MYO18A: variants seen among roughly 807,000 people sequenced by gnomAD.
The protein encoded by MYO18A is myosin XVIIIA.
In MYO18A, 78 loss-of-function variants were observed where a neutral mutation model predicts 235.8. The observed-to-expected ratio is 0.33, with a 90% CI of 0.28 to 0.40. The LOEUF is 0.40. Among genes scored for constraint, MYO18A ranks in the 10% least tolerant of loss-of-function variants. The pLI is 1.00. For synonymous variants in MYO18A, 977 were observed against 1,077.8 expected (o/e 0.91, Z 1.83); for missense variants, 2,215 against 2,699.3 (o/e 0.82, Z 3.98).
chr17:29,090,761 C>T lies in MYO18A; in HGVS notation c.5304+49G>A, dbSNP rs150505858. On this transcript the variant is annotated intron_variant, in intron 35 of 41. Coordinates refer to ENST00000527372, the MANE Select transcript of MYO18A (RefSeq NM_078471.4). ...TGCGGGGGACCCATGAGGAGGACCACAAGGATGGTGACGGTGCAGAGTGTG... is the reference window on the plus strand; with the variant it reads ...TGCGGGGGACCCATGAGGAGGACCATAAGGATGGTGACGGTGCAGAGTGTG... 539 of 1,575,792 alleles carry T rather than the reference C, an allele frequency of 3.4e-4. 2 individuals carry two copies. The East Asian group carries it at 0.011, about 34-fold the overall frequency.
Position 29,136,251 on chromosome 17 carries a change from ATATATAT to A in MYO18A, c.1000-14005_1000-13999del, listed in dbSNP as rs1403448042. 6.7e-3 allele frequency among the ~76,000 whole-genome samples: 446 copies of A among 66,148 alleles called. 4 individuals carry two copies. Among genetic ancestry groups the A allele is most frequent in the African/African-American group, 0.027 (418 of 15,484 alleles). 43.4% of individuals were successfully genotyped at this position (66,148 alleles called of 152,430 possible). ...ATCTCAAAAGAAAAAAAAAAAAAAA[ATATATAT>A]ATATATATATATATATGTAATGTAT... On this transcript the variant is annotated intron_variant, in intron 2 of 41. Transcript: ENST00000527372.
intron 11 of MYO18A, 39 bp from the exon 12 acceptor site, chr17:29,115,879 T>C: frequency 6.5e-7 from 1 of 1,548,914 alleles, no homozygotes; most frequent in South Asian, 1.2e-5. Context: ...CCTGGGTCTT[T>C]TTCCTTAGGC....
intron 24 of MYO18A, 24 bp downstream of exon 24, chr17:29,098,332 G>T: frequency 6.2e-7 from 1 of 1,613,280 alleles, no homozygotes; most frequent in South Asian, 1.1e-5. Context: ...ATGCCCAGTC[G>T]GTGTGGTGCC....
chr17:29,156,840 G>A (rs1363642856), intron 2 of MYO18A, among the ~76,000 whole-genome samples: 1 of 152,194 alleles, frequency 6.6e-6, no homozygotes, highest in African/African-American at 2.4e-5. Flanking sequence ...AAGTGTACAA[G>A]GGAGGGCAGG....
In MYO18A at chr17:29,140,039, G is replaced by T. The variant is rs2067699263; in HGVS notation, c.1000-17786C>A. Among the ~76,000 whole-genome samples the T allele has an allele frequency of 6.6e-6, 1 of 152,194 alleles. No homozygotes were observed. The highest frequency in any genetic ancestry group is 6.5e-5 in the Admixed American group (1 of 15,280). ...GGGAAGGCGTGTCACAGCCTTGGGG[G>T]TGGATGCAACCCCAGGAAACTGAGG... On this transcript the variant is annotated intron_variant, in intron 2 of 41. Transcript: ENST00000527372. This position sits in a 1 kb window ranked among gnomAD's most constrained non-coding sequence, Gnocchi z 4.2.
chr17:29,112,536 C>T (rs2066957128), intron 15 of MYO18A, among the ~76,000 whole-genome samples: 1 of 152,256 alleles, frequency 6.6e-6, no homozygotes, highest in East Asian at 1.9e-4. Flanking sequence ...GAACACTGGC[C>T]TAGCATTGAT....
In MYO18A at chr17:29,121,301, A is replaced by AT; in HGVS notation, c.1372-91dup. 10 of 1,423,976 alleles carry AT rather than the reference A, an allele frequency of 7.0e-6. No individual in the cohort carries two copies. The highest frequency in any genetic ancestry group is 8.6e-6 in the Non-Finnish European group (9 of 1,045,020). 88.2% of individuals were successfully genotyped at this position (1,423,976 alleles called of 1,614,324 possible). On this transcript the variant is annotated intron_variant, in intron 5 of 41. Coordinates refer to ENST00000527372, the MANE Select transcript of MYO18A (RefSeq NM_078471.4). This position sits in a 1 kb window ranked among gnomAD's most constrained non-coding sequence, Gnocchi z 4.2. ...ACCCCCAAGGTCCACATCTTTCTGG[A>AT]TTTTCCCTCCTGTAGTGCCCAGGGA...
At chr17:29,150,198 A>G (rs535823088) in intron 2 of MYO18A, among the ~76,000 whole-genome samples, 3 of 152,346 alleles carry the variant, frequency 2.0e-5, no homozygotes, top group Non-Finnish European at 2.9e-5. Context: ...TGGAGCCCCT[A>G]TTGGGCCTGT....
intron 2 of MYO18A, among the ~76,000 whole-genome samples, chr17:29,143,288 A>AG (rs2067781030): frequency 6.6e-6 from 1 of 152,220 alleles, no homozygotes; most frequent in African/African-American, 2.4e-5. Context: ...GCTGGAGTGC[A>AG]GTGGCACTAT....
intron 40 of MYO18A, 30 bp downstream of exon 40, chr17:29,085,574 G>A: frequency 3.1e-6 from 5 of 1,612,334 alleles, no homozygotes; most frequent in Non-Finnish European, 4.2e-6. Context: ...CGCGAGGACA[G>A]GCAGAGAGCA....
chr17:29,104,862 G>T lies in MYO18A; in HGVS notation c.3442-1198C>A, dbSNP rs570718095. On this transcript the variant is annotated intron_variant, in intron 20 of 41. Transcript: ENST00000527372. The stretch of plus-strand genomic sequence containing the variant: ...AAAGAACGGAGCCCCATGCTGCTAA[G>T]AATTCAAGTAACAGAGGGATAGTAA... 1.8e-3 allele frequency among the ~76,000 whole-genome samples: 278 copies of T among 152,156 alleles called. 1 individual carries two copies. Among genetic ancestry groups the T allele is most frequent in the Non-Finnish European group, 3.0e-3 (207 of 68,000 alleles).
chr17:29,165,891 T>C (rs2068270711), intron 2 of MYO18A, 51 bp downstream of exon 2: 6 of 1,530,006 alleles, frequency 3.9e-6, no homozygotes, highest in Non-Finnish European at 5.3e-6. Flanking sequence ...AAGCAGGAGG[T>C]GCCCACATTC....
intron 2 of MYO18A, chr17:29,124,769 T>G: frequency 8.7e-7 from 1 of 1,154,896 alleles, no homozygotes; most frequent in Non-Finnish European, 1.1e-6. Context: ...CAGCAAGTGC[T>G]CCTGAGTCAA....
chr17:29,145,572 G>A (rs2067830094), intron 2 of MYO18A, among the ~76,000 whole-genome samples: 1 of 152,308 alleles, frequency 6.6e-6, no homozygotes, highest in African/African-American at 2.4e-5. Flanking sequence ...ACCACAGACT[G>A]AGCTTCCTGA....
rs1048546666 is a variant in MYO18A at position 29,126,366 on chromosome 17, C to T, written c.1000-4113G>A. The stretch of plus-strand genomic sequence containing the variant: ...GGGCAGCCGCCCGGGAACAGGACCA[C>T]GACACTCCCCACCTGCTTATGGGTT... On this transcript the variant is annotated intron_variant, in intron 2 of 41. Transcript: ENST00000527372. The surrounding 1 kb of genome is among the most constrained non-coding windows in gnomAD (Gnocchi z 4.1). 1.3e-5 allele frequency among the ~76,000 whole-genome samples: 2 copies of T among 152,078 alleles called. No individual in the cohort carries two copies. Among genetic ancestry groups the T allele is most frequent in the African/African-American group, 4.8e-5 (2 of 41,394 alleles).
chr17:29,092,507 G>T, intron 33 of MYO18A, 51 bp from the exon 34 acceptor site: 1 of 1,441,902 alleles, frequency 6.9e-7, no homozygotes, highest in East Asian at 2.3e-5. Context: ...CATTCCTTGG[G>T]GGCAGGAGGG....
At chr17:29,086,629 A>C in intron 38 of MYO18A, 52 bp from the exon 39 acceptor site, 1 of 1,592,758 alleles carries the variant, frequency 6.3e-7, no homozygotes, top group Non-Finnish European at 8.5e-7. Context: ...TCTCCCCTAG[A>C]TGGCCAGAAG....
At position 29,126,226 on chromosome 17, in the gene MYO18A, C is replaced by A. The variant is rs1369872739; in HGVS notation, c.1000-3973G>T. Among the ~76,000 whole-genome samples, 1 of 152,170 alleles carries A rather than the reference C, an allele frequency of 6.6e-6. No individual in the cohort carries two copies. Among genetic ancestry groups the A allele is most frequent in the Non-Finnish European group, 1.5e-5 (1 of 68,022 alleles). On this transcript the variant is annotated intron_variant, in intron 2 of 41. Coordinates refer to ENST00000527372, the MANE Select transcript of MYO18A (RefSeq NM_078471.4). This position sits in a 1 kb window ranked among gnomAD's most constrained non-coding sequence, Gnocchi z 4.1. ...TATCCCACTTGCCCTCTGGACCCTT[C>A]CCCAGGCCCAGGTGACAGGTGGCTA...
intron 2 of MYO18A, among the ~76,000 whole-genome samples, chr17:29,130,801 G>C (rs1306806334): frequency 6.6e-6 from 1 of 152,162 alleles, no homozygotes; most frequent in African/African-American, 2.4e-5. Context: ...GAGAGTCCAG[G>C]TTTATTCAGG....
Sources: allele counts gnomAD v4.1 joint callset (sites outside exome capture counted in the v4.1 genomes callset), GRCh38; gene constraint gnomAD v4.1.1; non-coding constraint Gnocchi (gnomAD v3.1); transcripts MANE v1.5; gene names NCBI Gene and HGNC (gene_info 2026-07-23, HGNC 2026-07-21).